The following KHDRBS2 variants were observed in gnomAD, a reference collection of about 807,000 sequenced individuals.
KHDRBS2 encodes the protein KH domain-containing, RNA-binding, signal transduction-associated protein 2.
In KHDRBS2, 26 loss-of-function variants were observed where a neutral mutation model predicts 44.3. The observed-to-expected ratio is 0.59, with a 90% CI of 0.43 to 0.81. The LOEUF (loss-of-function observed/expected upper bound fraction) is 0.81, where lower values mean the gene tolerates loss of function less well. Among genes scored for constraint, KHDRBS2 ranks in the 40% least tolerant of loss-of-function variants. The probability of loss-of-function intolerance (pLI) is 0.00; values close to 1 mark genes in which losing one functional copy is unlikely to be tolerated. For synonymous variants in KHDRBS2, 194 were observed against 151.1 expected (o/e 1.28, Z -2.08); for missense variants, 476 against 433.1 (o/e 1.10, Z -0.88).
At chr6:61,664,331 A>G in the KHDRBS2 span, among the ~76,000 whole-genome samples, 3 of 151,794 alleles carry the variant, frequency 2.0e-5, no homozygotes, top group Non-Finnish European at 4.4e-5. Context: ...TAGCAGTATT[A>G]TATTTATCCA....
At chr6:62,083,084 T>C (rs1411707886) in intron 2 of KHDRBS2, among the ~76,000 whole-genome samples, 1 of 152,118 alleles carries the variant, frequency 6.6e-6, no homozygotes, top group African/African-American at 2.4e-5. Flanking sequence ...GCATTCCTGT[T>C]TTCCCACCCA....
chr6:61,957,488 G>T (rs1168821501), intron 4 of KHDRBS2, among the ~76,000 whole-genome samples: 1 of 149,004 alleles, frequency 6.7e-6, no homozygotes, highest in African/African-American at 2.5e-5. Context: ...CTGAGGGGAG[G>T]TCTCTAAAAT....
At chr6:62,011,120 G>A (rs1377820609) in intron 3 of KHDRBS2, among the ~76,000 whole-genome samples, 8 of 152,014 alleles carry the variant, frequency 5.3e-5, no homozygotes, top group South Asian at 4.1e-4. Flanking sequence ...GTCTAAAAAC[G>A]TACAAACAGG....
intron 6 of KHDRBS2, among the ~76,000 whole-genome samples, chr6:61,740,140 T>C (rs1775938414): frequency 6.6e-6 from 1 of 151,860 alleles, no homozygotes; most frequent in East Asian, 1.9e-4. Context: ...AATGGCTAAA[T>C]AGGTCTGAGG....
chr6:62,083,437 G>A (rs1344065051), intron 2 of KHDRBS2, among the ~76,000 whole-genome samples: 3 of 152,186 alleles, frequency 2.0e-5, no homozygotes, highest in Non-Finnish European at 4.4e-5. Context: ...CTGGATGCCA[G>A]AGAAGGACCC....
chr6:61,654,458 G>C, the KHDRBS2 span, among the ~76,000 whole-genome samples: 9 of 151,822 alleles, frequency 5.9e-5, no homozygotes, highest in Non-Finnish European at 1.2e-4. Context: ...GGATACGGGA[G>C]AGAGAACTGC....
At chr6:61,995,875 G>C (rs371580740) in intron 3 of KHDRBS2, among the ~76,000 whole-genome samples, 1 of 152,102 alleles carries the variant, frequency 6.6e-6, no homozygotes, top group Non-Finnish European at 1.5e-5. Flanking sequence ...TTAAATTTAT[G>C]TCTTTTAAGT....
chr6:61,874,026 C>A (rs1461047102), intron 6 of KHDRBS2, among the ~76,000 whole-genome samples: 1 of 151,608 alleles, frequency 6.6e-6, no homozygotes, highest in African/African-American at 2.4e-5. Flanking sequence ...ATGGTATGAA[C>A]TCTCTCTATA....
chr6:61,962,481 G>C (rs1220409362), intron 4 of KHDRBS2, among the ~76,000 whole-genome samples: 1 of 151,964 alleles, frequency 6.6e-6, no homozygotes, highest in Non-Finnish European at 1.5e-5. Flanking sequence ...TGTGTGGGAG[G>C]GGTCAAAGTT....
chr6:61,930,935 T>G (rs943831818), intron 4 of KHDRBS2, among the ~76,000 whole-genome samples: 1 of 152,140 alleles, frequency 6.6e-6, no homozygotes, highest in Non-Finnish European at 1.5e-5. Flanking sequence ...ATTTAACAAC[T>G]GCAATTTTTC....
chr6:61,891,806 C>T (rs1303800311), intron 6 of KHDRBS2, among the ~76,000 whole-genome samples: 2 of 152,096 alleles, frequency 1.3e-5, no homozygotes, highest in Admixed American at 6.5e-5. Context: ...ACTGAATGGG[C>T]AAAAACTGGA....
intron 6 of KHDRBS2, among the ~76,000 whole-genome samples, chr6:61,872,565 G>C (rs1798813092): frequency 6.6e-6 from 1 of 151,848 alleles, no homozygotes; most frequent in Admixed American, 6.6e-5. Flanking sequence ...AGATGTGAAA[G>C]GTATGTAGAA....
chr6:62,210,804 T>A (rs1341511668), intron 1 of KHDRBS2, among the ~76,000 whole-genome samples: 1 of 152,126 alleles, frequency 6.6e-6, no homozygotes, highest in East Asian at 1.9e-4. Context: ...TCATTGATAT[T>A]AAAGATGAGG....
At chr6:61,640,792 C>T in the KHDRBS2 span, among the ~76,000 whole-genome samples, 16 of 152,246 alleles carry the variant, frequency 1.1e-4, no homozygotes, top group Non-Finnish European at 1.3e-4. Context: ...CTTGAATAGA[C>T]ATACCAGAGA....
chr6:61,697,324 T>G, intron 7 of KHDRBS2, 71 bp from the exon 8 acceptor site: 1 of 943,178 alleles, frequency 1.1e-6, no homozygotes, highest in Admixed American at 1.7e-5. Flanking sequence ...CATATGGAAT[T>G]TGAAGGCAAA....
the KHDRBS2 span, among the ~76,000 whole-genome samples, chr6:61,576,641 T>G: frequency 1.3e-5 from 2 of 152,170 alleles, no homozygotes; most frequent in African/African-American, 2.4e-5. Flanking sequence ...TTTGAGCTTT[T>G]GAGAAATAGC....
chr6:62,217,447 T>G (rs1830206732), intron 1 of KHDRBS2, among the ~76,000 whole-genome samples: 1 of 151,912 alleles, frequency 6.6e-6, no homozygotes, highest in African/African-American at 2.4e-5. Flanking sequence ...CTTACTAAAT[T>G]CCAAATGCTG....
rs781489375 is a variant in KHDRBS2 at position 62,103,296 on chromosome 6, C to A, written c.220-55302G>T. On this transcript the variant is annotated intron_variant, in intron 2 of 8. Transcript: ENST00000281156. ...GATCAACATGTAGTCTGCTGGGCCC[C>A]GGTTGTCCACGTGAAGGGGAACAGC... is the stretch of plus-strand genomic sequence containing the variant. Among the ~76,000 whole-genome samples, 5 of 152,118 alleles carry A rather than the reference C, an allele frequency of 3.3e-5. 1 individual carries two copies.
At chr6:62,091,103 C>T (rs1247243427) in intron 2 of KHDRBS2, among the ~76,000 whole-genome samples, 1 of 152,086 alleles carries the variant, frequency 6.6e-6, no homozygotes, top group Non-Finnish European at 1.5e-5. Context: ...TATCTGGGTG[C>T]CTGATTGGAT....
Sources: gnomAD v4.1 joint callset for allele counts (sites outside exome capture counted in the v4.1 genomes callset) on GRCh38, gnomAD v4.1.1 for gene constraint, MANE v1.5 for transcripts, NCBI Gene and HGNC (gene_info 2026-07-23, HGNC 2026-07-21) for gene names.